PLD1: variants seen among roughly 807,000 people sequenced by gnomAD.
PLD1 encodes choline phosphatase 1.
In PLD1, 112 loss-of-function variants were observed where a neutral mutation model predicts 137.1. That is an observed-to-expected ratio of 0.82 (90% CI 0.70 to 0.96). The LOEUF (loss-of-function observed/expected upper bound fraction) is 0.96, where lower values mean the gene tolerates loss of function less well. PLD1 is among the 40% of genes least tolerant of loss of function. PLD1 has a pLI of 0.00. For synonymous variants in PLD1, 431 were observed against 454.7 expected (o/e 0.95, Z 0.66); for missense variants, 1,321 against 1,342.0 (o/e 0.98, Z 0.24).
intron 24 of PLD1, among the ~76,000 whole-genome samples, chr3:171,618,848 A>AGTGTGTGTGTGTGTGTGTGT (rs138468678): frequency 7.8e-6 from 1 of 128,596 alleles, no homozygotes; most frequent in East Asian, 2.1e-4. Flanking sequence ...AAATATTAAA[A>AGTGTGTGTGTGTGTGTGTGT]GTGTGTGTGC....
At chr3:171,809,931 A>G (rs1420092556) in intron 1 of PLD1, 1 of 152,280 alleles carries the variant, frequency 6.6e-6, no homozygotes, top group Non-Finnish European at 1.5e-5. Context: ...CTGGGCTCGA[A>G]GCCTTGGGAC....
At chr3:171,705,258 A>T (rs1246845224) in intron 11 of PLD1, among the ~76,000 whole-genome samples, 1 of 152,232 alleles carries the variant, frequency 6.6e-6, no homozygotes, top group Non-Finnish European at 1.5e-5. Context: ...AATGGCTAAC[A>T]ATTTCTTAAA....
intron 1 of PLD1, among the ~76,000 whole-genome samples, chr3:171,758,137 A>G (rs6778547): frequency 6.6e-6 from 1 of 152,354 alleles, no homozygotes; most frequent in African/African-American, 2.4e-5. Flanking sequence ...CTAATAGCTA[A>G]TAGTTAGCAA....
At chr3:171,650,288 G>A (rs3774040) in intron 21 of PLD1, among the ~76,000 whole-genome samples, 38,393 of 152,036 alleles carry the variant, frequency 0.25, 5,213 homozygotes, top group Admixed American at 0.31. Flanking sequence ...GGATATGAGA[G>A]CCAGGAGGAT....
chr3:171,800,905 G>A (rs1723617895), intron 1 of PLD1, among the ~76,000 whole-genome samples: 1 of 152,136 alleles, frequency 6.6e-6, no homozygotes, highest in Non-Finnish European at 1.5e-5. Flanking sequence ...GAGCCACCAT[G>A]GCCTAATCAT....
At chr3:171,624,780 G>A (rs1733943249) in intron 23 of PLD1, among the ~76,000 whole-genome samples, 1 of 152,078 alleles carries the variant, frequency 6.6e-6, no homozygotes, top group Non-Finnish European at 1.5e-5. Context: ...AAGGCAAGGT[G>A]AACAAGAGAA....
At chr3:171,766,029 C>A (rs888060890) in intron 1 of PLD1, among the ~76,000 whole-genome samples, 3 of 152,128 alleles carry the variant, frequency 2.0e-5, no homozygotes, top group Non-Finnish European at 2.9e-5. Flanking sequence ...ATAAGGGCAG[C>A]AATATAATTG....
At chr3:171,800,107 A>ATATATCATATACC (rs1723585227) in intron 1 of PLD1, among the ~76,000 whole-genome samples, 1 of 152,254 alleles carries the variant, frequency 6.6e-6, no homozygotes, top group Non-Finnish European at 1.5e-5. Context: ...TACCTATGTG[A>ATATATCATATACC]GATGTTAATA....
intron 13 of PLD1, among the ~76,000 whole-genome samples, chr3:171,690,975 A>C (rs913111996): frequency 6.6e-6 from 1 of 152,106 alleles, no homozygotes; most frequent in Non-Finnish European, 1.5e-5. Context: ...TTTCAATCAT[A>C]TATTTCGATT....
At chr3:171,683,179 C>T (rs562485226) in intron 16 of PLD1, among the ~76,000 whole-genome samples, 3 of 152,192 alleles carry the variant, frequency 2.0e-5, no homozygotes, top group Non-Finnish European at 4.4e-5. Flanking sequence ...CCATCTCTCA[C>T]ATCTTGTATC....
chr3:171,665,330 G>C (rs539902808), intron 19 of PLD1, among the ~76,000 whole-genome samples: 2 of 152,290 alleles, frequency 1.3e-5, no homozygotes, highest in East Asian at 3.9e-4. Flanking sequence ...CATTTTTTCT[G>C]TGAAGGATAA....
chr3:171,645,039 G>A lies in PLD1; in HGVS notation c.2430-16C>T. The A allele has an allele frequency of 1.3e-6, 2 of 1,517,468 alleles. No homozygotes were observed. The highest frequency in any genetic ancestry group is 1.8e-6 in the Non-Finnish European group (2 of 1,091,828). The allele number at this position is 1,517,468 out of a possible 1,614,324, so 94.0% of individuals were successfully genotyped here. A position where few individuals can be genotyped will look rare whatever the true frequency, so the allele number is the denominator to read the frequency against. On this transcript the variant is annotated splice_polypyrimidine_tract_variant and intron_variant, in intron 21 of 26. Coordinates refer to ENST00000351298, the MANE Select transcript of PLD1 (RefSeq NM_002662.5). ...CTGGTTTTCCCTGCAAAGGTCAGAT[G>A]CAGAGAAATTCACCCAAAAAATAAA... is the stretch of plus-strand genomic sequence containing the variant.
intron 1 of PLD1, among the ~76,000 whole-genome samples, chr3:171,804,240 C>T (rs1313266552): frequency 6.6e-6 from 1 of 152,166 alleles, no homozygotes; most frequent in Admixed American, 6.6e-5. Context: ...CAAAGGACTC[C>T]TTCATCAGAA....
intron 1 of PLD1, among the ~76,000 whole-genome samples, chr3:171,767,377 T>TAG (rs2108323677): frequency 6.6e-6 from 1 of 152,216 alleles, no homozygotes; most frequent in East Asian, 1.9e-4. Flanking sequence ...CCAACCCAAG[T>TAG]AGAGAAAGGA....
intron 19 of PLD1, among the ~76,000 whole-genome samples, chr3:171,666,880 C>A (rs1032109137): frequency 6.6e-6 from 1 of 152,180 alleles, no homozygotes; most frequent in Non-Finnish European, 1.5e-5. Context: ...TCATTTTCTT[C>A]GTGCTACGTC....
chr3:171,620,388 A>C lies in PLD1; in HGVS notation c.2726T>G (p.Ile909Ser). The C allele has an allele frequency of 6.3e-7, 1 of 1,591,538 alleles. No homozygotes were observed. Among genetic ancestry groups the C allele is most frequent in the Non-Finnish European group, 8.6e-7 (1 of 1,164,196 alleles). ...LLIADDNTVI[I>S]GSANINDRSM... is the part of the protein sequence containing the mutation. ...TATAGACCATATACTGTACTTACCA[A>C]TAATAACAGTGTTATCATCAGCAAT... Residue 909 changes from isoleucine (I) to serine (S), a missense_variant and splice_region_variant, in exon 24 of 27, where the codon ATT becomes AGT. Coordinates refer to ENST00000351298, the MANE Select transcript of PLD1 (RefSeq NM_002662.5).
Position 171,688,875 on chromosome 3 carries a change from A to C in PLD1, c.1340T>G (p.Val447Gly). ...TGACACATGATCCGGGTGTCTCATC[A>C]CCTTGAGAGGGAATAATCCCCACTG... ...TLMRLHPNIK[V>G]MRHPDHVSST... Residue 447 changes from valine to glycine, a missense_variant and splice_region_variant, in exon 14 of 27, where the codon GTG (valine) becomes GGG (glycine). Val to Gly is a moderately radical substitution (Grantham distance 109). Transcript: ENST00000351298. The C allele has an allele frequency of 1.2e-6, 2 of 1,611,018 alleles. No individual in the cohort carries two copies. Among genetic ancestry groups the C allele is most frequent in the South Asian group, 1.1e-5 (1 of 90,978 alleles).
chr3:171,751,534 A>G (rs1339822940), intron 1 of PLD1, among the ~76,000 whole-genome samples: 4 of 152,240 alleles, frequency 2.6e-5, no homozygotes, highest in African/African-American at 9.6e-5. Context: ...TAAATTGTCA[A>G]TAAAACTTTA....
chr3:171,732,713 T>C (rs1719041100), intron 6 of PLD1, among the ~76,000 whole-genome samples: 1 of 152,200 alleles, frequency 6.6e-6, no homozygotes, highest in African/African-American at 2.4e-5. Flanking sequence ...TTCATACAAA[T>C]GCATACATAC....
Sources: gnomAD v4.1 joint callset for allele counts (sites outside exome capture counted in the v4.1 genomes callset) on GRCh38, gnomAD v4.1.1 for gene constraint, MANE v1.5 for transcripts, NCBI Gene and HGNC (gene_info 2026-07-23, HGNC 2026-07-21) for gene names.